Variants in TAS1R2 observed in about 807,000 individuals in gnomAD.
TAS1R2 encodes the protein taste receptor type 1 member 2.
TAS1R2 carries 47 observed loss-of-function variants against 49.3 expected under a neutral mutation model. That is an observed-to-expected ratio of 0.95 (90% CI 0.75 to 1.22). The LOEUF is 1.22. TAS1R2 is among the 50% of genes most tolerant of loss of function. TAS1R2 has a pLI of 0.00. For synonymous variants in TAS1R2, 479 were observed against 467.9 expected (o/e 1.02, Z -0.31); for missense variants, 1,155 against 1,122.1 (o/e 1.03, Z -0.42).
At chr1:18,840,267 C>T in exon 6 of TAS1R2, 1 of 1,614,024 alleles carries the variant, frequency 6.2e-7, no homozygotes, top group Non-Finnish European at 8.5e-7. Context: ...TACACCGGGA[C>T]CACCATGTAT....
At chr1:18,846,494 C>A (rs749968670) in intron 4 of TAS1R2, among the ~76,000 whole-genome samples, 1 of 152,214 alleles carries the variant, frequency 6.6e-6, no homozygotes, top group Non-Finnish European at 1.5e-5. Flanking sequence ...TGCACATAAA[C>A]CCTTGTCTCA....
chr1:18,857,570 T>A (rs750063642), exon 2 of TAS1R2: 2 of 1,614,068 alleles, frequency 1.2e-6, no homozygotes, highest in South Asian at 2.2e-5. Context: ...TCATTGTTGA[T>A]CTCCTCCACC....
chr1:18,857,571 C>T (rs1354922074), exon 2 of TAS1R2: 4 of 1,614,170 alleles, frequency 2.5e-6, no homozygotes, highest in Middle Eastern at 1.6e-4. Flanking sequence ...CATTGTTGAT[C>T]TCCTCCACCG....
At chr1:18,839,982 G>T in exon 6 of TAS1R2, 6 of 1,614,208 alleles carry the variant, frequency 3.7e-6, no homozygotes, top group South Asian at 1.1e-5. Context: ...GTGATCTTGG[G>T]GTCATCGGGG....
At position 18,854,161 on chromosome 1, in the gene TAS1R2, A is replaced by C; in HGVS notation, c.1257+52T>G. On this transcript the variant is annotated intron_variant, in intron 3 of 5. Transcript: ENST00000375371. This position sits in a 1 kb window ranked among gnomAD's most constrained non-coding sequence, Gnocchi z 4.9. The stretch of plus-strand genomic sequence containing the variant: ...TTCACACCCATTTGCCCAGAACCCC[A>C]GGGGAGGAGGATGGAGGTGCCCTGC... 6.4e-7 allele frequency: 1 copy of C among 1,561,312 alleles called. No individual in the cohort carries two copies. Among genetic ancestry groups the C allele is most frequent in the Non-Finnish European group, 8.7e-7 (1 of 1,146,100 alleles).
At chr1:18,857,861 A>T (rs1934169478) in intron 1 of TAS1R2, among the ~76,000 whole-genome samples, 1 of 152,080 alleles carries the variant, frequency 6.6e-6, no homozygotes, top group Admixed American at 6.5e-5. Flanking sequence ...TGTGGCCATC[A>T]TCACTACTAT....
At chr1:18,852,380 G>T (rs1196959169) in intron 3 of TAS1R2, among the ~76,000 whole-genome samples, 1 of 152,186 alleles carries the variant, frequency 6.6e-6, no homozygotes, top group Non-Finnish European at 1.5e-5. Context: ...GCCTGCCACA[G>T]GTCTGCGTGC....
intron 2 of TAS1R2, among the ~76,000 whole-genome samples, chr1:18,855,927 C>T (rs1044866127): frequency 4.6e-5 from 7 of 152,136 alleles, no homozygotes; most frequent in Non-Finnish European, 8.8e-5. Flanking sequence ...CCTACCAGCT[C>T]CCCACTCCCT....
chr1:18,851,183 G>A (rs542842590), intron 3 of TAS1R2, among the ~76,000 whole-genome samples: 4 of 152,222 alleles, frequency 2.6e-5, no homozygotes, highest in Admixed American at 6.5e-5. Context: ...CGAGATGCCC[G>A]AGGGGTGGAG....
At chr1:18,844,204 T>A (rs1170402215) in intron 4 of TAS1R2, among the ~76,000 whole-genome samples, 1 of 152,186 alleles carries the variant, frequency 6.6e-6, no homozygotes, top group Non-Finnish European at 1.5e-5. Flanking sequence ...AGCAGGACAC[T>A]TGGTTGTTTG....
chr1:18,839,898 C>T, exon 6 of TAS1R2: 1 of 1,614,222 alleles, frequency 6.2e-7, no homozygotes, highest in Non-Finnish European at 8.5e-7. Context: ...CTGAAACCCA[C>T]CACTGAGAGC....
rs374790407 is a variant in TAS1R2, at chr1:18,854,991, A to C, written c.484-5T>G. 1.2e-5 allele frequency: 19 copies of C among 1,600,290 alleles called. No homozygotes were observed. Among genetic ancestry groups the C allele is most frequent in the Non-Finnish European group, 1.6e-5 (19 of 1,169,300 alleles). Reference sequence around the variant, plus strand: ...GCTGATGGCGCTGTAGGTGATCTGCAAGGGGAAGGGCTGTGGCATGAGCGA... The same window carrying C: ...GCTGATGGCGCTGTAGGTGATCTGCCAGGGGAAGGGCTGTGGCATGAGCGA... On this transcript the variant is annotated splice_polypyrimidine_tract_variant and splice_region_variant and intron_variant, in intron 2 of 5. Coordinates refer to ENST00000375371, the Ensembl canonical transcript of TAS1R2. The surrounding 1 kb of genome is among the most constrained non-coding windows in gnomAD (Gnocchi z 4.9).
At chr1:18,841,693 G>C in intron 5 of TAS1R2, 36 bp downstream of exon 5, 1 of 1,597,194 alleles carries the variant, frequency 6.3e-7, no homozygotes, top group East Asian at 2.2e-5. Context: ...GGGCAGGGCA[G>C]GGGCAGGGCA....
exon 6 of TAS1R2, chr1:18,840,175 G>C: frequency 1.2e-6 from 2 of 1,614,230 alleles, no homozygotes; most frequent in Non-Finnish European, 1.7e-6. Flanking sequence ...AACGCACGGC[G>C]ATACAGGAGA....
chr1:18,849,170 A>C, intron 4 of TAS1R2, 171 bp downstream of exon 4: 1 of 724,400 alleles, frequency 1.4e-6, no homozygotes, highest in South Asian at 1.9e-5. Context: ...ATAGTTCCCA[A>C]TCAATGGGGG....
intron 2 of TAS1R2, among the ~76,000 whole-genome samples, chr1:18,855,403 C>T (rs1293980246): frequency 6.6e-6 from 1 of 152,188 alleles, no homozygotes; most frequent in Non-Finnish European, 1.5e-5. Flanking sequence ...CACCGTCAGG[C>T]TCATCAACTA....
chr1:18,844,552 C>T (rs1290386879), intron 4 of TAS1R2, among the ~76,000 whole-genome samples: 1 of 152,108 alleles, frequency 6.6e-6, no homozygotes, highest in Non-Finnish European at 1.5e-5. Flanking sequence ...TCAGGAGTTC[C>T]AGACCAACCT....
chr1:18,843,902 T>C (rs1050079523), intron 4 of TAS1R2, among the ~76,000 whole-genome samples: 2 of 152,236 alleles, frequency 1.3e-5, no homozygotes, highest in Non-Finnish European at 1.5e-5. Flanking sequence ...GAAGCGCCAG[T>C]GGGTCCAAGT....
intron 3 of TAS1R2, among the ~76,000 whole-genome samples, chr1:18,850,650 T>C (rs1226636725): frequency 6.6e-6 from 1 of 152,206 alleles, no homozygotes; most frequent in Non-Finnish European, 1.5e-5. Context: ...GGTTGAGCAC[T>C]TGGGACTTGA....
Sources: gnomAD v4.1 joint callset for allele counts (sites outside exome capture counted in the v4.1 genomes callset) on GRCh38, gnomAD v4.1.1 for gene constraint, Gnocchi (gnomAD v3.1) non-coding constraint, MANE v1.5 for transcripts, NCBI Gene and HGNC (gene_info 2026-07-23, HGNC 2026-07-21) for gene names.